PXDNL: variants seen among roughly 807,000 people sequenced by gnomAD.
The protein encoded by PXDNL is probable oxidoreductase PXDNL.
Under a neutral mutation model 150.8 loss-of-function variants are expected in PXDNL, and 145 were observed. The observed-to-expected ratio is 0.96, with a 90% CI of 0.84 to 1.10. The LOEUF (loss-of-function observed/expected upper bound fraction) is 1.10, where lower values mean the gene tolerates loss of function less well. Ranked by LOEUF, PXDNL falls within the 50% of genes least tolerant of loss-of-function variation. The probability of loss-of-function intolerance (pLI) is 0.00; values close to 1 mark genes in which losing one functional copy is unlikely to be tolerated. For missense variants in PXDNL, 2,087 were observed against 1,873.9 expected, an observed-to-expected ratio of 1.11 and a Z score of -2.10; for synonymous variants, 757 against 725.7, an observed-to-expected ratio of 1.04 and a Z score of -0.69.
chr8:51,508,971 T>C (rs915412353), intron 4 of PXDNL, among the ~76,000 whole-genome samples: 2 of 152,194 alleles, frequency 1.3e-5, no homozygotes, highest in African/African-American at 4.8e-5. Flanking sequence ...GAGATCCAGA[T>C]GCTGCACCCA....
chr8:51,629,905 A>G (rs1439610903), intron 2 of PXDNL, among the ~76,000 whole-genome samples: 1 of 152,216 alleles, frequency 6.6e-6, no homozygotes, highest in Admixed American at 6.5e-5. Context: ...GCAAACTACA[A>G]ATGACATTTT....
chr8:51,701,063 A>C (rs893327886), intron 1 of PXDNL, among the ~76,000 whole-genome samples: 2 of 151,984 alleles, frequency 1.3e-5, no homozygotes, highest in Non-Finnish European at 2.9e-5. Context: ...ATACAATACT[A>C]TCCAGGTTTC....
chr8:51,556,805 A>T, intron 4 of PXDNL, 35 bp downstream of exon 4: 1 of 1,124,914 alleles, frequency 8.9e-7, no homozygotes, highest in Non-Finnish European at 1.4e-6. Flanking sequence ...AACTGTCACC[A>T]TGAGTGATTT....
intron 2 of PXDNL, among the ~76,000 whole-genome samples, chr8:51,620,677 G>A (rs1814232745): frequency 6.6e-6 from 1 of 150,638 alleles, no homozygotes; most frequent in South Asian, 2.1e-4. Flanking sequence ...TCAAGTAGCT[G>A]GGACTACAGG....
rs551514024 is a variant in PXDNL at position 51,647,438 on chromosome 8, TC to T, written c.236+7250del. Among the ~76,000 whole-genome samples the T allele has an allele frequency of 5.7e-4, 86 of 152,190 alleles. 2 individuals carry two copies. The highest frequency in any genetic ancestry group is 2.1e-3 in the African/African-American group (86 of 41,506). ...AGCTTCACCTATGTGTTCTGGGAGT[TC>T]CCCAAAACGAGGCAGAGAGAAACTA... On this transcript the variant is annotated intron_variant, in intron 2 of 22. Transcript: ENST00000356297.
chr8:51,339,509 G>C, intron 21 of PXDNL, 115 bp downstream of exon 21: 3 of 1,089,048 alleles, frequency 2.8e-6, no homozygotes, highest in Non-Finnish European at 3.9e-6. Flanking sequence ...TCCCTGTATA[G>C]GTTTTTATTA....
chr8:51,441,624 C>A (rs528322950), intron 12 of PXDNL, among the ~76,000 whole-genome samples: 1 of 152,316 alleles, frequency 6.6e-6, no homozygotes, highest in South Asian at 2.1e-4. Flanking sequence ...AATATACATT[C>A]TCCATGAACT....
Position 51,408,754 on chromosome 8 carries a change from C to A in PXDNL, c.2870G>T (p.Gly957Val). The change falls in exon 17 of 23, where the codon GGG becomes GTG. Residue 957 changes from glycine (G) to valine (V), a missense_variant. Gly to Val is a moderately radical substitution (Grantham distance 109). Transcript: ENST00000356297. Reference protein sequence around the residue: ...QEQESPCFLAGDHRANEHLAL... With the variant: ...QEQESPCFLAVDHRANEHLAL... ...CAGATGCTCGTTGGCCCGGTGGTCC[C>A]CGGCCAGGAAACAGGGGCTCTCCTG... 6.3e-7 allele frequency: 1 copy of A among 1,584,916 alleles called. No homozygotes were observed. The highest frequency in any genetic ancestry group is 2.3e-5 in the East Asian group (1 of 43,930).
chr8:51,577,581 T>C (rs1293857105), intron 3 of PXDNL, among the ~76,000 whole-genome samples: 1 of 137,406 alleles, frequency 7.3e-6, no homozygotes, highest in Non-Finnish European at 1.5e-5. Flanking sequence ...ATATATAAAA[T>C]CTATCTATCT....
chr8:51,669,340 T>C, intron 1 of PXDNL, among the ~76,000 whole-genome samples: 1 of 152,208 alleles, frequency 6.6e-6, no homozygotes, highest in Admixed American at 6.5e-5. Flanking sequence ...AAGAAAAAAC[T>C]TCTGTTATGA....
intron 5 of PXDNL, among the ~76,000 whole-genome samples, chr8:51,497,695 G>T (rs1811085311): frequency 1.3e-5 from 2 of 152,162 alleles, no homozygotes; most frequent in African/African-American, 2.4e-5. Context: ...CATCATCATT[G>T]GCCATCAGAG....
chr8:51,459,222 G>A (rs1455255525), intron 8 of PXDNL, among the ~76,000 whole-genome samples: 1 of 152,208 alleles, frequency 6.6e-6, no homozygotes, highest in Non-Finnish European at 1.5e-5. Flanking sequence ...CTGAGGTCAG[G>A]AGTTCAAGAA....
chr8:51,506,362 G>A (rs1013847602), intron 4 of PXDNL, among the ~76,000 whole-genome samples: 65 of 151,896 alleles, frequency 4.3e-4, no homozygotes, highest in African/African-American at 1.4e-3. Context: ...CCAACATGGT[G>A]AAACCCCGTC....
At chr8:51,325,014 C>T (rs1403690142) in intron 21 of PXDNL, among the ~76,000 whole-genome samples, 1 of 152,038 alleles carries the variant, frequency 6.6e-6, no homozygotes, top group African/African-American at 2.4e-5. Context: ...TACAGGCATG[C>T]ACCACCACAC....
chr8:51,644,388 ATGTGTATATATATACACATGTG>A (rs1426773743), intron 2 of PXDNL, among the ~76,000 whole-genome samples: 2,772 of 35,338 alleles, frequency 0.078, 175 homozygotes, highest in African/African-American at 0.19. Flanking sequence ...ACACACACAT[ATGTGTATATATATACACATGTG>A]TGTGTATATA....
chr8:51,655,423 T>G (rs1317647733), intron 1 of PXDNL, among the ~76,000 whole-genome samples: 3 of 152,096 alleles, frequency 2.0e-5, no homozygotes, highest in East Asian at 1.9e-4. Flanking sequence ...TGAGCACAGA[T>G]AGTTCAGTGG....
At chr8:51,501,684 A>G (rs1811183112) in intron 4 of PXDNL, among the ~76,000 whole-genome samples, 1 of 152,130 alleles carries the variant, frequency 6.6e-6, no homozygotes, top group African/African-American at 2.4e-5. Context: ...GTATTCACAT[A>G]TATGCTCACA....
intron 1 of PXDNL, among the ~76,000 whole-genome samples, chr8:51,808,364 A>T (rs909585103): frequency 3.3e-5 from 5 of 152,004 alleles, no homozygotes; most frequent in Admixed American, 1.3e-4. Context: ...TAAATTTTTG[A>T]ATTTGTCGTC....
In PXDNL at chr8:51,339,633, G is replaced by A. The variant is rs138123996; in HGVS notation, c.4137C>T (p.Leu1379=). 2 of 1,613,184 alleles carry A rather than the reference G, an allele frequency of 1.2e-6. No individual in the cohort carries two copies. Among genetic ancestry groups the A allele is most frequent in the Admixed American group, 3.3e-5 (2 of 59,856 alleles). ...AAEIQETITA[L]REQINKLEAR... The stretch of plus-strand genomic sequence containing the variant: ...TGAAGAGAAAACAAACCTGCTCTCT[G>A]AGTGCTGTGATGGTTTCCTGAATTT... Residue 1379 remains leucine, a synonymous_variant, in exon 21 of 23, where the codon CTC becomes CTT. Coordinates refer to ENST00000356297, the MANE Select transcript of PXDNL (RefSeq NM_144651.5).
Sources: allele counts gnomAD v4.1 joint callset (sites outside exome capture counted in the v4.1 genomes callset), GRCh38; gene constraint gnomAD v4.1.1; transcripts MANE v1.5; gene names NCBI Gene and HGNC (gene_info 2026-07-23, HGNC 2026-07-21).